The following KHDRBS3 variants were observed in gnomAD, a reference collection of about 807,000 sequenced individuals.
KHDRBS3 encodes the protein KH domain-containing, RNA-binding, signal transduction-associated protein 3.
Under a neutral mutation model 45.6 loss-of-function variants are expected in KHDRBS3, and 23 were observed. That is an observed-to-expected ratio of 0.50 (90% confidence interval 0.36 to 0.72). The LOEUF is 0.72. Ranked by LOEUF, KHDRBS3 falls within the 30% of genes least tolerant of loss-of-function variation. The pLI is 0.00. For missense variants in KHDRBS3, 352 were observed against 424.8 expected (o/e 0.83, Z 1.51); for synonymous variants, 162 against 156.5 (o/e 1.04, Z -0.26).
intron 8 of KHDRBS3, 131 bp from the exon 9 acceptor site, chr8:135,646,862 T>G (rs1198254396): frequency 1.4e-5 from 7 of 515,268 alleles, no homozygotes; most frequent in Non-Finnish European, 2.5e-5. Flanking sequence ...TGTTTTTCTT[T>G]TCAGTACACC....
At chr8:135,467,764 C>T (rs1307585415) in intron 1 of KHDRBS3, among the ~76,000 whole-genome samples, 1 of 152,206 alleles carries the variant, frequency 6.6e-6, no homozygotes, top group Non-Finnish European at 1.5e-5. Context: ...AAGGTGGTGC[C>T]AGTTTTCTCC....
chr8:135,463,935 G>T (rs1397938337), intron 1 of KHDRBS3, among the ~76,000 whole-genome samples: 1 of 152,212 alleles, frequency 6.6e-6, no homozygotes, highest in Non-Finnish European at 1.5e-5. Context: ...CGTGCCAGCT[G>T]CTTTCTGTGC....
chr8:135,638,754 C>A (rs1160893353), intron 7 of KHDRBS3, among the ~76,000 whole-genome samples: 1 of 152,126 alleles, frequency 6.6e-6, no homozygotes, highest in Non-Finnish European at 1.5e-5. Context: ...TTGAGACCAT[C>A]CTGGCCAACA....
intron 1 of KHDRBS3, among the ~76,000 whole-genome samples, chr8:135,483,076 C>T (rs1346399921): frequency 2.6e-5 from 4 of 152,104 alleles, no homozygotes; most frequent in Non-Finnish European, 4.4e-5. Flanking sequence ...CATTTCTAGA[C>T]ATCAAATATC....
Position 135,647,198 on chromosome 8 carries a change from G to T in KHDRBS3, c.*114G>T. On this transcript the variant is annotated 3_prime_UTR_variant, in exon 9 of 9. Transcript: ENST00000355849. ...AAATAAATCAGAATGCTTAAAATCT[G>T]AATGGATGGAACTTAAAACTACTTT... is the stretch of plus-strand genomic sequence containing the variant. 16 of 365,482 alleles carry T rather than the reference G, an allele frequency of 4.4e-5. No homozygotes were observed. Among genetic ancestry groups the T allele is most frequent in the South Asian group, 1.1e-4 (1 of 9,332 alleles). 22.6% of individuals were successfully genotyped at this position (365,482 alleles called of 1,614,324 possible). A position where few individuals can be genotyped will look rare whatever the true frequency, so the allele number is the denominator to read the frequency against.
At chr8:135,623,451 G>A (rs1033525679) in intron 7 of KHDRBS3, among the ~76,000 whole-genome samples, 1 of 152,104 alleles carries the variant, frequency 6.6e-6, no homozygotes, top group African/African-American at 2.4e-5. Flanking sequence ...GCAAATTAAT[G>A]TTCACCTTCC....
chr8:135,557,662 C>G (rs1014020248), intron 5 of KHDRBS3, 75 bp downstream of exon 5: 1 of 1,093,654 alleles, frequency 9.1e-7, no homozygotes. Flanking sequence ...TAGCCAAAAC[C>G]AGTTCTATCT....
intron 5 of KHDRBS3, among the ~76,000 whole-genome samples, chr8:135,580,970 C>G (rs1384368188): frequency 6.6e-6 from 1 of 152,112 alleles, no homozygotes; most frequent in Non-Finnish European, 1.5e-5. Context: ...TTTAGCCTGT[C>G]TAGAGGTTTA....
chr8:135,585,052 T>C (rs2130936980), intron 6 of KHDRBS3, among the ~76,000 whole-genome samples: 1 of 135,240 alleles, frequency 7.4e-6, no homozygotes, highest in Non-Finnish European at 1.7e-5. Flanking sequence ...TGAAACCTCA[T>C]CTCTACCAAA....
At chr8:135,546,505 A>T (rs747770382) in intron 3 of KHDRBS3, among the ~76,000 whole-genome samples, 1 of 152,202 alleles carries the variant, frequency 6.6e-6, no homozygotes, top group East Asian at 1.9e-4. Context: ...GCTTGTGCCA[A>T]ACTTCATGCT....
chr8:135,462,799 A>G (rs531108464), intron 1 of KHDRBS3, among the ~76,000 whole-genome samples: 2 of 152,228 alleles, frequency 1.3e-5, no homozygotes, highest in South Asian at 2.1e-4. Flanking sequence ...TTACAGGTCC[A>G]TTGTTCTTTT....
chr8:135,536,034 T>G (rs1488972674), intron 2 of KHDRBS3, among the ~76,000 whole-genome samples: 2 of 152,022 alleles, frequency 1.3e-5, no homozygotes, highest in Non-Finnish European at 2.9e-5. Flanking sequence ...GTAGGAGGGA[T>G]TTTTTTGCAG....
intron 1 of KHDRBS3, among the ~76,000 whole-genome samples, chr8:135,478,922 A>G (rs1296900339): frequency 2.0e-5 from 3 of 152,216 alleles, no homozygotes; most frequent in African/African-American, 7.2e-5. Flanking sequence ...AATGTGAAGT[A>G]AGCAGAATGA....
At chr8:135,503,302 C>T (rs888310344) in intron 1 of KHDRBS3, among the ~76,000 whole-genome samples, 4 of 152,200 alleles carry the variant, frequency 2.6e-5, no homozygotes, top group African/African-American at 9.6e-5. Flanking sequence ...AGGGAAACTG[C>T]TTTATCCAGT....
chr8:135,502,084 A>G (rs890445180), intron 1 of KHDRBS3, among the ~76,000 whole-genome samples: 2 of 152,168 alleles, frequency 1.3e-5, no homozygotes, highest in Non-Finnish European at 2.9e-5. Flanking sequence ...GTTTAACCTT[A>G]ATAATATTTG....
intron 6 of KHDRBS3, among the ~76,000 whole-genome samples, chr8:135,588,188 A>G (rs1028160497): frequency 2.0e-5 from 3 of 152,180 alleles, no homozygotes; most frequent in Non-Finnish European, 1.5e-5. Flanking sequence ...GGAAATTCCC[A>G]CAACCCCTTT....
intron 7 of KHDRBS3, among the ~76,000 whole-genome samples, chr8:135,623,516 T>A (rs529060202): frequency 6.6e-6 from 1 of 152,108 alleles, no homozygotes; most frequent in Non-Finnish European, 1.5e-5. Context: ...AAAGGGAAAC[T>A]GTTGTTGGTA....
intron 3 of KHDRBS3, among the ~76,000 whole-genome samples, chr8:135,548,474 G>A (rs1826419666): frequency 6.6e-6 from 1 of 152,112 alleles, no homozygotes; most frequent in Non-Finnish European, 1.5e-5. Context: ...CACCCTAGCA[G>A]CGGAAGTGAG....
At chr8:135,564,904 C>T (rs961089313) in intron 5 of KHDRBS3, among the ~76,000 whole-genome samples, 2 of 152,164 alleles carry the variant, frequency 1.3e-5, no homozygotes, top group African/African-American at 4.8e-5. Context: ...AAGCCAGACA[C>T]AAGACGCAAA....
Sources: gnomAD v4.1 joint callset for allele counts (sites outside exome capture counted in the v4.1 genomes callset) on GRCh38, gnomAD v4.1.1 for gene constraint, MANE v1.5 for transcripts, NCBI Gene and HGNC (gene_info 2026-07-23, HGNC 2026-07-21) for gene names.